RAB3GAP2: variants seen among roughly 807,000 people sequenced by gnomAD.
RAB3GAP2 encodes rab3 GTPase-activating protein non-catalytic subunit.
In RAB3GAP2, 87 loss-of-function variants were observed where a neutral mutation model predicts 185.3. The ratio of observed to expected loss-of-function variants is 0.47; its 90% CI spans 0.39 to 0.56. The LOEUF (loss-of-function observed/expected upper bound fraction) is 0.56, where lower values mean the gene tolerates loss of function less well. Among genes scored for constraint, RAB3GAP2 ranks in the 20% least tolerant of loss-of-function variants. The pLI is 0.00. For missense variants in RAB3GAP2, 1,492 were observed against 1,638.2 expected (o/e 0.91, Z 1.54); for synonymous variants, 554 against 576.1 (o/e 0.96, Z 0.55).
intron 1 of RAB3GAP2, among the ~76,000 whole-genome samples, chr1:220,268,772 T>C (rs1660279464): frequency 6.6e-6 from 1 of 152,218 alleles, no homozygotes; most frequent in Non-Finnish European, 1.5e-5. Context: ...ATAGGTATAG[T>C]GCAAATTAAT....
chr1:220,211,311 A>G (rs1659081156), intron 4 of RAB3GAP2: 1 of 531,446 alleles, frequency 1.9e-6, no homozygotes, highest in Non-Finnish European at 3.6e-6. Flanking sequence ...TACACAACTG[A>G]GCAAAGCTCA....
chr1:220,268,087 A>T (rs943576969), intron 1 of RAB3GAP2, among the ~76,000 whole-genome samples: 1 of 152,246 alleles, frequency 6.6e-6, no homozygotes, highest in Admixed American at 6.5e-5. Context: ...AGCTAAAAAA[A>T]TTTAAGATGA....
At chr1:220,231,930 C>A (rs1558164090) in intron 2 of RAB3GAP2, among the ~76,000 whole-genome samples, 1 of 152,182 alleles carries the variant, frequency 6.6e-6, no homozygotes, top group African/African-American at 2.4e-5. Flanking sequence ...CCTGATCAAC[C>A]AACCCAGGAT....
At chr1:220,167,824 C>T in intron 24 of RAB3GAP2, 149 bp from the exon 25 acceptor site, 3 of 849,258 alleles carry the variant, frequency 3.5e-6, no homozygotes, top group East Asian at 2.5e-5. Flanking sequence ...AGATTTACAG[C>T]AGTGTTCCTA....
At chr1:220,220,917 A>G (rs746419560) in intron 2 of RAB3GAP2, among the ~76,000 whole-genome samples, 2 of 152,270 alleles carry the variant, frequency 1.3e-5, no homozygotes, top group Non-Finnish European at 2.9e-5. Flanking sequence ...AGTCTCAGGT[A>G]TGTCTTTATC....
chr1:220,160,574 T>C (rs563753323), intron 28 of RAB3GAP2, among the ~76,000 whole-genome samples: 11 of 152,372 alleles, frequency 7.2e-5, no homozygotes, highest in African/African-American at 2.2e-4. Flanking sequence ...ATTCACAGCC[T>C]GCACAGGAAT....
Position 220,175,666 on chromosome 1 carries a change from A to G in RAB3GAP2, c.2311-2924T>C, listed in dbSNP as rs116008640. On this transcript the variant is annotated intron_variant, in intron 21 of 34. Transcript: ENST00000358951. ...AAGGCAGCCAAAAAAATTAAATGCC[A>G]TGCCTTGGACCTCTCTTCACACTAT... Among the ~76,000 whole-genome samples the G allele has an allele frequency of 4.7e-3, 719 of 152,320 alleles. 4 individuals carry two copies. Among genetic ancestry groups the G allele is most frequent in the Non-Finnish European group, 5.4e-3 (368 of 68,012 alleles).
chr1:220,270,477 G>T (rs76692199), intron 1 of RAB3GAP2, among the ~76,000 whole-genome samples: 9 of 152,154 alleles, frequency 5.9e-5, no homozygotes, highest in African/African-American at 1.4e-4. Flanking sequence ...AATGCAAAAG[G>T]TTGAAAATCT....
At chr1:220,196,185 C>T (rs980827793) in intron 10 of RAB3GAP2, 65 bp downstream of exon 10, 7 of 1,534,472 alleles carry the variant, frequency 4.6e-6, no homozygotes, top group East Asian at 2.3e-5. Flanking sequence ...GTTACCATAT[C>T]CAATTTGTAG....
intron 17 of RAB3GAP2, 43 bp from the exon 18 acceptor site, chr1:220,185,784 T>TGA (rs751452877): frequency 1.3e-6 from 2 of 1,505,186 alleles, no homozygotes. Flanking sequence ...TATAAGGCAG[T>TGA]GATTTTGTTT....
At chr1:220,162,981 G>GA (rs1366383834) in intron 27 of RAB3GAP2, among the ~76,000 whole-genome samples, 2 of 152,040 alleles carry the variant, frequency 1.3e-5, no homozygotes, top group Non-Finnish European at 2.9e-5. Context: ...CCATCCCTAT[G>GA]AAAAAATGTT....
rs747479194 is a variant in RAB3GAP2 at position 220,151,357 on chromosome 1, T to C, written c.4076A>G (p.Lys1359Arg). 6.2e-7 allele frequency: 1 copy of C among 1,614,182 alleles called. No individual in the cohort carries two copies. Among genetic ancestry groups the C allele is most frequent in the South Asian group, 1.1e-5 (1 of 91,080 alleles). ...NTEVPIATTAKLVNKVIELLP... is the reference protein window; with the variant it reads ...NTEVPIATTARLVNKVIELLP... ...AAGCTCAATTACTTTATTTACTAGT[T>C]TAGCTGTTGTTGCAATTGGCACTTC... is the stretch of plus-strand genomic sequence containing the variant. Residue 1359 changes from lysine to arginine, a missense_variant, in exon 35 of 35, where the codon AAA (lysine) becomes AGA (arginine). By Grantham distance (26) the Lys-to-Arg change is conservative (BLOSUM62 2). Around this residue, in one of 5 missense-constraint regions of RAB3GAP2, gnomAD observed 387 missense variants for 455.3 expected, o/e 0.85. Transcript: ENST00000358951.
At chr1:220,217,807 G>A (rs1659226035) in intron 2 of RAB3GAP2, among the ~76,000 whole-genome samples, 1 of 152,138 alleles carries the variant, frequency 6.6e-6, no homozygotes, top group Non-Finnish European at 1.5e-5. Context: ...AATAGTTCAA[G>A]ATTCTGGCTG....
chr1:220,238,691 ACT>A (rs1365463069), intron 1 of RAB3GAP2, among the ~76,000 whole-genome samples: 3 of 152,038 alleles, frequency 2.0e-5, no homozygotes, highest in African/African-American at 4.8e-5. Flanking sequence ...CTCCTAAGTG[ACT>A]CTACCTCTCC....
At chr1:220,252,093 C>A (rs2808010) in intron 1 of RAB3GAP2, among the ~76,000 whole-genome samples, 5,657 of 140,106 alleles carry the variant, frequency 0.04, 370 homozygotes, top group African/African-American at 0.14. Context: ...ATGGTGGAGG[C>A]AGCAGTGAGC....
intron 17 of RAB3GAP2, among the ~76,000 whole-genome samples, chr1:220,186,474 G>A (rs1008765547): frequency 2.6e-5 from 4 of 152,164 alleles, no homozygotes; most frequent in African/African-American, 9.7e-5. Flanking sequence ...CTTAGAGGGT[G>A]GCTCAAGATG....
rs1657724281 is a variant in RAB3GAP2, at chr1:220,150,286, T to G, written c.*965A>C. 6.6e-6 allele frequency: 1 copy of G among 152,434 alleles called. No individual in the cohort carries two copies. The highest frequency in any genetic ancestry group is 1.5e-5 in the Non-Finnish European group (1 of 67,990). The allele number at this position is 152,434 out of a possible 1,614,324, so 9.4% of individuals were successfully genotyped here. On this transcript the variant is annotated 3_prime_UTR_variant, in exon 35 of 35. Transcript: ENST00000358951. ...ATAGGGTACAAAATTAGTTGTATTT[T>G]ATCCTCTCATCCCAGCTGTGAGGTA...
rs1658586487 is a variant in RAB3GAP2, at chr1:220,190,117, A to G, written c.1661T>C (p.Met554Thr). The change falls in exon 16 of 35, where the codon ATG (methionine) becomes ACG (threonine). Residue 554 changes from methionine (M) to threonine (T), a missense_variant. Met to Thr is a moderately conservative substitution (Grantham distance 81, BLOSUM62 -1). Transcript: ENST00000358951. ...GGCTGCTAGTTTCTTCACTAGGTGC[A>G]TATCCTTGGCTCGTTCACTCTTCTT... ...SDKKSERAKD[M>T]HLVKKLAALL... 1.9e-6 allele frequency: 3 copies of G among 1,613,432 alleles called. No individual in the cohort carries two copies. The South Asian group carries it at 3.3e-5, about 18-fold the overall frequency.
intron 23 of RAB3GAP2, among the ~76,000 whole-genome samples, chr1:220,171,514 C>T (rs1658177335): frequency 6.6e-6 from 1 of 152,174 alleles, no homozygotes; most frequent in African/African-American, 2.4e-5. Flanking sequence ...TCATAATGAA[C>T]ATTTCAAGCA....
Sources: gnomAD v4.1 joint callset for allele counts (sites outside exome capture counted in the v4.1 genomes callset) on GRCh38, gnomAD v4.1.1 for gene constraint, gnomAD v4.1.1 regional missense constraint, MANE v1.5 for transcripts, NCBI Gene and HGNC (gene_info 2026-07-23, HGNC 2026-07-21) for gene names.